Variants in ZNF695 observed in about 807,000 individuals in gnomAD.
The protein encoded by ZNF695 is zinc finger protein 695.
ZNF695 carries 11 observed loss-of-function variants against 11.2 expected under a neutral mutation model. That is an observed-to-expected ratio of 0.98 (90% CI 0.62 to 1.62). The LOEUF is 1.62. ZNF695 is among the 40% of genes most tolerant of loss of function. The pLI is 0.00. For synonymous variants in ZNF695, 190 were observed against 201.4 expected, an observed-to-expected ratio of 0.94 and a Z score of 0.48; for missense variants, 559 against 590.5, an observed-to-expected ratio of 0.95 and a Z score of 0.55.
intron 4 of ZNF695, among the ~76,000 whole-genome samples, chr1:246,975,405 T>A (rs140623645): frequency 1.3e-5 from 2 of 152,352 alleles, no homozygotes; most frequent in East Asian, 3.9e-4. Flanking sequence ...AAAGGAAATA[T>A]GCAATCTATA....
chr1:246,965,554 C>G (rs566873099), intron 5 of ZNF695, among the ~76,000 whole-genome samples: 7 of 151,792 alleles, frequency 4.6e-5, no homozygotes, highest in Admixed American at 3.3e-4. Flanking sequence ...CTGGCCAACA[C>G]GGCAAAACCC....
intron 5 of ZNF695, among the ~76,000 whole-genome samples, chr1:246,962,817 C>G (rs185088334): frequency 0.017 from 2,525 of 152,106 alleles, 35 homozygotes; most frequent in African/African-American, 0.038. Context: ...CTCAGCCTCC[C>G]GAGTAGTTGG....
In ZNF695 at chr1:246,965,376, A is replaced by G. The variant is rs1456111393; in HGVS notation, c.488+2319T>C. 7.3e-5 allele frequency among the ~76,000 whole-genome samples: 11 copies of G among 150,460 alleles called. 1 individual carries two copies. The East Asian group carries it at 2.1e-3, about 29-fold the overall frequency. On this transcript the variant is annotated intron_variant, in intron 5 of 5. Transcript: ENST00000487338. Reference sequence around the variant, plus strand: ...TGTCTCAAAAAAAAAAAAAAAAAGAAGAGCAAGACAGACCTGAGCTAGCAC... The same window carrying G: ...TGTCTCAAAAAAAAAAAAAAAAAGAGGAGCAAGACAGACCTGAGCTAGCAC...
rs149719869 is a variant in ZNF695 at position 246,948,049 on chromosome 1, C to T, written c.489-2222G>A. Among the ~76,000 whole-genome samples, 386 of 151,976 alleles carry T rather than the reference C, an allele frequency of 2.5e-3. 4 individuals are homozygous for T. The highest frequency in any genetic ancestry group is 3.5e-3 in the Non-Finnish European group (241 of 67,962). ...GTCTCCACACTCATTACCTGTGAGGCGATGAGTGACGTCGTTGACCTTTTC... is the reference window on the plus strand; with the variant it reads ...GTCTCCACACTCATTACCTGTGAGGTGATGAGTGACGTCGTTGACCTTTTC... On this transcript the variant is annotated intron_variant, in intron 5 of 5. Coordinates refer to the ZNF695 transcript ENST00000487338.
chr1:246,981,100 A>C (rs1235167243), downstream of ZNF695, among the ~76,000 whole-genome samples: 1 of 152,242 alleles, frequency 6.6e-6, no homozygotes, highest in Non-Finnish European at 1.5e-5. Context: ...TTTTCAAAAG[A>C]CCTACAAATG....
At chr1:247,007,784 G>C in intron 1 of ZNF695, 122 bp downstream of exon 1, 2 of 1,192,786 alleles carry the variant, frequency 1.7e-6, no homozygotes, top group East Asian at 2.9e-5. Context: ...AGCGGGACTC[G>C]GCCGCACACT....
In ZNF695 at chr1:246,951,389, G is replaced by A. The variant is rs181570985; in HGVS notation, c.489-5562C>T. ...AGGGGAGATGGCCACGTCGAAGGTG[G>A]TGGAGGTTGGAGTGATGTTGCCACA... On this transcript the variant is annotated intron_variant, in intron 5 of 5. Transcript: ENST00000487338. Among the ~76,000 whole-genome samples, 34 of 152,318 alleles carry A rather than the reference G, an allele frequency of 2.2e-4. 1 individual carries two copies. The highest frequency in any genetic ancestry group is 1.4e-3 in the Admixed American group (21 of 15,296).
chr1:246,979,378 C>A (rs1668647203), intron 4 of ZNF695, among the ~76,000 whole-genome samples: 1 of 152,054 alleles, frequency 6.6e-6, no homozygotes, highest in African/African-American at 2.4e-5. Flanking sequence ...CTCCTGATTC[C>A]GTTTGTCATA....
intron 4 of ZNF695, among the ~76,000 whole-genome samples, chr1:246,976,533 A>G (rs145161610): frequency 0.021 from 3,249 of 151,452 alleles, 103 homozygotes; most frequent in African/African-American, 0.07. Context: ...GGTGGCTCAC[A>G]CCTGTAATCC....
chr1:246,945,754 C>T, exon 6 of ZNF695: 4 of 1,550,024 alleles, frequency 2.6e-6, no homozygotes, highest in East Asian at 2.4e-5. Context: ...AGCAGGGAGT[C>T]CAGGCACTGT....
At chr1:246,981,020 T>C (rs1042735157), downstream of ZNF695, among the ~76,000 whole-genome samples, 1 of 152,172 alleles carries the variant, frequency 6.6e-6, no homozygotes, top group Non-Finnish European at 1.5e-5. Context: ...TGGGTTAATA[T>C]TGAAAATACA....
At position 247,000,096 on chromosome 1, in the gene ZNF695, C is replaced by A. The variant is rs1413314533; in HGVS notation, c.4-22G>T. The A allele has an allele frequency of 3.1e-6, 5 of 1,590,562 alleles. No individual in the cohort carries two copies. In the African/African-American group the frequency reaches 5.4e-5, roughly 17 times the overall value. On this transcript the variant is annotated intron_variant, in intron 1 of 3. Transcript: ENST00000339986. ...GTCCCTGAAAAAGAAAACATATTTA[C>A]CAAGTGGTCACGGCAGAGTTCTTAA...
Position 246,987,947 on chromosome 1 carries a change from C to T in ZNF695, c.568G>A (p.Gly190Ser). ...GEKPFKCKECGNVSCMSLIMT... is the reference protein window; with the variant it reads ...GEKPFKCKECSNVSCMSLIMT... ...ATTAAAGACATGCAAGAGACATTGC[C>T]ACATTCTTTGCATTTGAATGGTTTT... The change falls in exon 4 of 4, where the codon GGC becomes AGC. Residue 190 changes from glycine (G) to serine (S), a missense_variant. By Grantham distance (56) the Gly-to-Ser change is moderately conservative. Coordinates refer to ENST00000339986, the MANE Select transcript of ZNF695 (RefSeq NM_020394.5). 1.2e-6 allele frequency: 2 copies of T among 1,610,830 alleles called. No homozygotes were observed. The highest frequency in any genetic ancestry group is 1.7e-6 in the Non-Finnish European group (2 of 1,178,948).
downstream of ZNF695, among the ~76,000 whole-genome samples, chr1:246,984,282 A>T (rs1399342224): frequency 2.2e-5 from 3 of 134,412 alleles, no homozygotes; most frequent in African/African-American, 9.0e-5. Context: ...ACAGGTTTTA[A>T]AAAAAAAAAA....
downstream of ZNF695, among the ~76,000 whole-genome samples, chr1:246,984,245 A>G (rs1259333061): frequency 1.4e-5 from 2 of 146,032 alleles, no homozygotes; most frequent in African/African-American, 5.0e-5. Flanking sequence ...TATTGTGTGG[A>G]GAACAGTGAG....
At chr1:246,945,977 T>C (rs1430877099) in intron 5 of ZNF695, 40 of 908,794 alleles carry the variant, frequency 4.4e-5, no homozygotes, top group Non-Finnish European at 6.5e-5. Context: ...TTCACGCAGG[T>C]GTGAGCCACT....
At chr1:247,003,901 T>C (rs1161754242) in intron 1 of ZNF695, among the ~76,000 whole-genome samples, 1 of 152,234 alleles carries the variant, frequency 6.6e-6, no homozygotes, top group Non-Finnish European at 1.5e-5. Flanking sequence ...AAATTCTTAG[T>C]ATTTGAATGA....
In ZNF695 at chr1:246,986,426, C is replaced by T; in HGVS notation, c.*541G>A. 1.0e-6 allele frequency: 1 copy of T among 985,584 alleles called. No individual in the cohort carries two copies. Among genetic ancestry groups the T allele is most frequent in the Non-Finnish European group, 1.2e-6 (1 of 830,058 alleles). The allele number at this position is 985,584 out of a possible 1,614,324, so 61.1% of individuals were successfully genotyped here. A position where few individuals can be genotyped will look rare whatever the true frequency, so the allele number is the denominator to read the frequency against. On this transcript the variant is annotated 3_prime_UTR_variant, in exon 4 of 4. Transcript: ENST00000339986. ...CCCCAAAAGGTGAATCTCCTACTTA[C>T]TTTAACTTAACTTTGAATTATTCTC...
chr1:246,981,311 A>G (rs1339352060), downstream of ZNF695, among the ~76,000 whole-genome samples: 1 of 152,232 alleles, frequency 6.6e-6, no homozygotes, highest in Non-Finnish European at 1.5e-5. Flanking sequence ...TGCCAAAAAC[A>G]GTATGATGAT....
Sources: allele counts gnomAD v4.1 joint callset (sites outside exome capture counted in the v4.1 genomes callset), GRCh38; gene constraint gnomAD v4.1.1; transcripts MANE v1.5; gene names NCBI Gene and HGNC (gene_info 2026-07-23, HGNC 2026-07-21).